Variants in DSCAM observed in about 807,000 individuals in gnomAD.
DSCAM encodes DS cell adhesion molecule, also known as cell adhesion molecule DSCAM.
A neutral mutation model predicts 217.7 loss-of-function variants in DSCAM; 47 were observed. The ratio of observed to expected loss-of-function variants is 0.22; its 90% CI spans 0.17 to 0.28. The LOEUF (loss-of-function observed/expected upper bound fraction) is 0.28, where lower values mean the gene tolerates loss of function less well. Among genes scored for constraint, DSCAM ranks in the 10% least tolerant of loss-of-function variants. The pLI is 1.00. For missense variants in DSCAM, 2,080 were observed against 2,618.3 expected (o/e 0.79, Z 4.49); for synonymous variants, 1,056 against 1,015.3 (o/e 1.04, Z -0.76).
chr21:40,832,429 C>G (rs2092019095), intron 1 of DSCAM, among the ~76,000 whole-genome samples: 1 of 152,042 alleles, frequency 6.6e-6, no homozygotes, highest in Non-Finnish European at 1.5e-5. Context: ...TCAAAGCAAA[C>G]CAAGAGATTT....
At chr21:40,025,397 G>C (rs1376253542) in intron 32 of DSCAM, among the ~76,000 whole-genome samples, 1 of 143,684 alleles carries the variant, frequency 7.0e-6, no homozygotes, top group African/African-American at 2.7e-5. Context: ...AAATGAGTTA[G>C]GGAGGATTCC....
At chr21:40,579,341 T>G (rs1382347981) in intron 3 of DSCAM, among the ~76,000 whole-genome samples, 1 of 151,992 alleles carries the variant, frequency 6.6e-6, no homozygotes, top group Non-Finnish European at 1.5e-5. Flanking sequence ...GAAAAAAAGC[T>G]GATTTGATGA....
chr21:40,168,543 C>A (rs573501952), intron 15 of DSCAM, among the ~76,000 whole-genome samples: 1 of 152,102 alleles, frequency 6.6e-6, no homozygotes, highest in African/African-American at 2.4e-5. Flanking sequence ...TTTGGATTGA[C>A]AATTTTTAGA....
chr21:40,722,468 T>C (rs904299515), intron 1 of DSCAM, among the ~76,000 whole-genome samples: 3 of 152,172 alleles, frequency 2.0e-5, no homozygotes, highest in Non-Finnish European at 4.4e-5. Flanking sequence ...CCATGTTACT[T>C]TGAAGATGGA....
intron 3 of DSCAM, among the ~76,000 whole-genome samples, chr21:40,464,706 T>C (rs924793129): frequency 1.3e-5 from 2 of 151,488 alleles, no homozygotes; most frequent in African/African-American, 2.4e-5. Flanking sequence ...CTGCATCTGT[T>C]CCTGTTCCGT....
At chr21:40,253,844 C>A (rs1391160569) in intron 11 of DSCAM, among the ~76,000 whole-genome samples, 5 of 152,190 alleles carry the variant, frequency 3.3e-5, no homozygotes, top group Admixed American at 2.6e-4. Context: ...TCACTCATGT[C>A]CTTTTTGGTA....
chr21:40,385,306 A>G (rs1189762249), intron 3 of DSCAM: 2 of 152,230 alleles, frequency 1.3e-5, no homozygotes, highest in Non-Finnish European at 2.9e-5. Context: ...TATTTTATGA[A>G]TGTAACTCAT....
intron 3 of DSCAM, among the ~76,000 whole-genome samples, chr21:40,630,960 G>T (rs1162460109): frequency 6.6e-6 from 1 of 152,128 alleles, no homozygotes; most frequent in Non-Finnish European, 1.5e-5. Context: ...AAAGACTCTG[G>T]GGGTTGGAGC....
At chr21:40,351,633 G>T (rs1385028019) in intron 5 of DSCAM, among the ~76,000 whole-genome samples, 1 of 152,182 alleles carries the variant, frequency 6.6e-6, no homozygotes, top group Non-Finnish European at 1.5e-5. Context: ...TAGGAACGAA[G>T]AAGCTGTTTT....
At chr21:40,628,749 C>CTATCT (rs1555873837) in intron 3 of DSCAM, among the ~76,000 whole-genome samples, 6 of 98,144 alleles carry the variant, frequency 6.1e-5, no homozygotes, top group African/African-American at 2.1e-4. Context: ...ATCTATCTAT[C>CTATCT]TTTTCTTGTG....
At chr21:40,830,533 T>C (rs2837840) in intron 1 of DSCAM, among the ~76,000 whole-genome samples, 110,691 of 152,162 alleles carry the variant, frequency 0.73, 40,455 homozygotes, top group African/African-American at 0.78. Flanking sequence ...CTGGGGCTCA[T>C]TCATCCAGGA....
intron 15 of DSCAM, among the ~76,000 whole-genome samples, chr21:40,170,532 G>A (rs978766648): frequency 3.3e-5 from 5 of 152,260 alleles, no homozygotes; most frequent in Admixed American, 1.3e-4. Flanking sequence ...AACAGGAGCC[G>A]AGGGAGAGAA....
intron 3 of DSCAM, among the ~76,000 whole-genome samples, chr21:40,456,165 G>A (rs1248315857): frequency 6.6e-6 from 1 of 151,690 alleles, no homozygotes; most frequent in Non-Finnish European, 1.5e-5. Flanking sequence ...ATTGCAAGAA[G>A]GCTTGAATAT....
At chr21:40,567,265 C>T (rs1244086941) in intron 3 of DSCAM, among the ~76,000 whole-genome samples, 2 of 152,200 alleles carry the variant, frequency 1.3e-5, no homozygotes, top group African/African-American at 4.8e-5. Context: ...TGGGGCCTCC[C>T]GGTCTTCCAC....
chr21:40,490,577 A>G (rs532544598), intron 3 of DSCAM, among the ~76,000 whole-genome samples: 26 of 152,280 alleles, frequency 1.7e-4, no homozygotes, highest in African/African-American at 6.0e-4. Flanking sequence ...CTCATTCTTG[A>G]GAAAAGATTT....
At chr21:40,388,333 C>T (rs928217856) in intron 3 of DSCAM, among the ~76,000 whole-genome samples, 11 of 151,934 alleles carry the variant, frequency 7.2e-5, no homozygotes, top group African/African-American at 2.2e-4. Flanking sequence ...AAGTTAGATG[C>T]CTCTAGAACA....
intron 3 of DSCAM, among the ~76,000 whole-genome samples, chr21:40,391,649 C>T (rs1005633882): frequency 1.3e-5 from 2 of 152,150 alleles, no homozygotes; most frequent in Non-Finnish European, 2.9e-5. Context: ...CAGGATGTCT[C>T]CCCACTGGTG....
chr21:40,577,874 C>T (rs765843932), intron 3 of DSCAM, among the ~76,000 whole-genome samples: 9 of 152,126 alleles, frequency 5.9e-5, no homozygotes, highest in Non-Finnish European at 7.3e-5. Flanking sequence ...ACTGCGGATA[C>T]AGCTCGCCAC....
At chr21:40,367,443 C>T (rs981886062) in intron 4 of DSCAM, among the ~76,000 whole-genome samples, 1 of 152,080 alleles carries the variant, frequency 6.6e-6, no homozygotes, top group Non-Finnish European at 1.5e-5. Flanking sequence ...TCCACCATGA[C>T]CCAAACTCCA....
Sources: gnomAD v4.1 joint callset for allele counts (sites outside exome capture counted in the v4.1 genomes callset) on GRCh38, gnomAD v4.1.1 for gene constraint, MANE v1.5 for transcripts, NCBI Gene and HGNC (gene_info 2026-07-23, HGNC 2026-07-21) for gene names.